WDR7: variants seen among roughly 807,000 people sequenced by gnomAD.
The protein encoded by WDR7 is WD repeat-containing protein 7.
A neutral mutation model predicts 169.4 loss-of-function variants in WDR7; 46 were observed. The observed-to-expected ratio is 0.27, with a 90% CI of 0.21 to 0.35. The LOEUF (loss-of-function observed/expected upper bound fraction) is 0.35, where lower values mean the gene tolerates loss of function less well. WDR7 is among the 10% of genes least tolerant of loss of function. The pLI, the probability that WDR7 is intolerant of heterozygous loss-of-function variation, is 1.00. For synonymous variants in WDR7, 612 were observed against 666.8 expected, an observed-to-expected ratio of 0.92 and a Z score of 1.27; for missense variants, 1,534 against 1,859.3, an observed-to-expected ratio of 0.83 and a Z score of 3.22.
chr18:56,829,849 A>G (rs562696901), intron 20 of WDR7, among the ~76,000 whole-genome samples: 15 of 152,314 alleles, frequency 9.8e-5, no homozygotes, highest in African/African-American at 3.6e-4. Flanking sequence ...TATGTGATGT[A>G]TGCAAGTTGT....
At chr18:56,687,504 C>A (rs1234012186) in intron 7 of WDR7, among the ~76,000 whole-genome samples, 3 of 152,166 alleles carry the variant, frequency 2.0e-5, no homozygotes, top group African/African-American at 7.2e-5. Context: ...TGTATTATTT[C>A]TTTTAATCCT....
At chr18:56,812,680 G>C (rs1248389845) in intron 19 of WDR7, among the ~76,000 whole-genome samples, 1 of 152,138 alleles carries the variant, frequency 6.6e-6, no homozygotes, top group African/African-American at 2.4e-5. Context: ...GTAAGTCCTG[G>C]AGTCCAAAGG....
At chr18:56,837,722 G>A (rs943833820) in intron 20 of WDR7, among the ~76,000 whole-genome samples, 2 of 152,020 alleles carry the variant, frequency 1.3e-5, no homozygotes, top group South Asian at 2.1e-4. Context: ...TGCAATATGC[G>A]TGATCTCGGC....
chr18:56,940,687 C>G (rs2047023785), intron 25 of WDR7, among the ~76,000 whole-genome samples: 1 of 152,176 alleles, frequency 6.6e-6, no homozygotes, highest in South Asian at 2.1e-4. Context: ...CGAAAATGTA[C>G]TTTTGCCTGT....
At chr18:56,863,010 T>C (rs1159257050) in intron 20 of WDR7, among the ~76,000 whole-genome samples, 2 of 151,876 alleles carry the variant, frequency 1.3e-5, no homozygotes, top group East Asian at 3.8e-4. Flanking sequence ...ACCAGTTTTA[T>C]TGAAGTTTCA....
At chr18:56,767,427 C>A (rs933570598) in intron 16 of WDR7, among the ~76,000 whole-genome samples, 4 of 152,204 alleles carry the variant, frequency 2.6e-5, no homozygotes, top group African/African-American at 9.7e-5. Context: ...ACTTTGTTCT[C>A]CATGTAGCTT....
At chr18:56,678,684 A>G (rs1004003369) in intron 2 of WDR7, among the ~76,000 whole-genome samples, 2 of 152,004 alleles carry the variant, frequency 1.3e-5, no homozygotes, top group Non-Finnish European at 2.9e-5. Context: ...TTTAGTAGAG[A>G]TGGGGTTTTA....
At chr18:56,793,766 T>C (rs2145126660) in intron 19 of WDR7, among the ~76,000 whole-genome samples, 1 of 152,334 alleles carries the variant, frequency 6.6e-6, no homozygotes, top group Admixed American at 6.5e-5. Context: ...AACAGAGACA[T>C]ATTCCTCTTA....
intron 16 of WDR7, among the ~76,000 whole-genome samples, chr18:56,769,735 GAAGT>G (rs2044123233): frequency 6.6e-6 from 1 of 152,168 alleles, no homozygotes; most frequent in Non-Finnish European, 1.5e-5. Flanking sequence ...TCTAAACTTA[GAAGT>G]AAGAGGTGGT....
At chr18:56,840,014 A>G (rs1459263522) in intron 20 of WDR7, among the ~76,000 whole-genome samples, 1 of 152,192 alleles carries the variant, frequency 6.6e-6, no homozygotes, top group African/African-American at 2.4e-5. Context: ...GTGAGCCAAG[A>G]TCGCGCCACT....
In WDR7 at chr18:56,719,976, C is replaced by G. The variant is rs747526565; in HGVS notation, c.1774+1817C>G. 3.3e-5 allele frequency among the ~76,000 whole-genome samples: 5 copies of G among 152,032 alleles called. No individual in the cohort carries two copies. The East Asian group carries it at 9.6e-4, about 29-fold the overall frequency. On this transcript the variant is annotated intron_variant, in intron 13 of 27. Transcript: ENST00000254442. ...TTGTAAGCTTGTGTGTGTGTGTATA[C>G]ATGCATGTGTATCTATTTCCTACTA...
At chr18:56,964,585 A>G (rs2047381443) in intron 26 of WDR7, among the ~76,000 whole-genome samples, 1 of 152,020 alleles carries the variant, frequency 6.6e-6, no homozygotes, top group South Asian at 2.1e-4. Context: ...ATGGGGTCTC[A>G]TCATGTTGGC....
At chr18:56,975,548 C>T (rs1440347175) in intron 26 of WDR7, among the ~76,000 whole-genome samples, 1 of 152,136 alleles carries the variant, frequency 6.6e-6, no homozygotes, top group Non-Finnish European at 1.5e-5. Flanking sequence ...TCAGCAGTGA[C>T]AAACACCAAT....
intron 26 of WDR7, among the ~76,000 whole-genome samples, chr18:56,991,320 G>T (rs1482311083): frequency 6.6e-6 from 1 of 151,936 alleles, no homozygotes; most frequent in Non-Finnish European, 1.5e-5. Flanking sequence ...CTGATTTTTT[G>T]TATTTTTGGT....
rs149700553 is a variant in WDR7, at chr18:56,726,893, C to T, written c.1775-4490C>T. ...TGGGTACTGTACCCTGTAATCTTTT[C>T]AAGTGGTTCTTTCCTTGGCCTTGGG... On this transcript the variant is annotated intron_variant, in intron 13 of 27. Transcript: ENST00000254442. 3.6e-3 allele frequency among the ~76,000 whole-genome samples: 551 copies of T among 152,158 alleles called. 2 individuals are homozygous for T. Among genetic ancestry groups the T allele is most frequent in the Middle Eastern group, 0.017 (5 of 294 alleles).
At chr18:56,676,115 T>C (rs621687) in intron 2 of WDR7, among the ~76,000 whole-genome samples, 149,036 of 152,290 alleles carry the variant, frequency 0.98, 72,994 homozygotes, top group East Asian at 1. Context: ...ACTCCTTCAT[T>C]ATTATATAGT....
chr18:56,927,623 A>G (rs887722800), intron 22 of WDR7, among the ~76,000 whole-genome samples: 3 of 152,152 alleles, frequency 2.0e-5, no homozygotes, highest in Non-Finnish European at 1.5e-5. Context: ...AAAAAAAAAT[A>G]GAGTATTTTT....
chr18:57,033,847 GT>G (rs1432893316), downstream of WDR7: 11 of 152,190 alleles, frequency 7.2e-5, no homozygotes, highest in African/African-American at 2.7e-4. Flanking sequence ...CAGGAAAGAG[GT>G]TTAAAGACCC....
intron 12 of WDR7, among the ~76,000 whole-genome samples, chr18:56,702,213 A>G (rs1264885168): frequency 3.9e-5 from 6 of 152,286 alleles, no homozygotes; most frequent in Non-Finnish European, 7.4e-5. Context: ...ATGATCTGAC[A>G]TCGTCCCTTC....
Sources: allele counts gnomAD v4.1 joint callset (sites outside exome capture counted in the v4.1 genomes callset), GRCh38; gene constraint gnomAD v4.1.1; transcripts MANE v1.5; gene names NCBI Gene and HGNC (gene_info 2026-07-23, HGNC 2026-07-21).